Variants in PCDHGB3 observed in about 807,000 individuals in gnomAD.
The protein encoded by PCDHGB3 is protocadherin gamma subfamily B, 3.
In PCDHGB3, 40 loss-of-function variants were observed where a neutral mutation model predicts 59.2. The ratio of observed to expected loss-of-function variants is 0.68; its 90% confidence interval spans 0.52 to 0.88. PCDHGB3 has a LOEUF of 0.88. Ranked by LOEUF, PCDHGB3 falls within the 40% of genes least tolerant of loss-of-function variation. The pLI, the probability that PCDHGB3 is intolerant of heterozygous loss-of-function variation, is 0.00. For synonymous variants in PCDHGB3, 581 were observed against 503.6 expected (o/e 1.15, Z -2.06); for missense variants, 1,309 against 1,187.9 (o/e 1.10, Z -1.50).
In PCDHGB3 at chr5:141,476,760, CG is replaced by C. The variant is rs1325258321; in HGVS notation, c.2416-18045del. The C allele has an allele frequency of 6.2e-7, 1 of 1,613,706 alleles. No individual in the cohort carries two copies. Among genetic ancestry groups the C allele is most frequent in the African/African-American group, 1.3e-5 (1 of 74,930 alleles). On this transcript the variant is annotated intron_variant, in intron 1 of 3. Coordinates refer to ENST00000576222, the MANE Select transcript of PCDHGB3 (RefSeq NM_018924.5). This position sits in a 1 kb window ranked among gnomAD's most constrained non-coding sequence, Gnocchi z 7.6. ...GAGCCTAGTCTCCAGTTAGTGCTGA[CG>C]GCGTTGGACGGAGGGACCCCAGCTC...
At chr5:141,373,226 A>G (rs540520010) in intron 1 of PCDHGB3, among the ~76,000 whole-genome samples, 4 of 152,364 alleles carry the variant, frequency 2.6e-5, no homozygotes, top group Middle Eastern at 6.8e-3. Context: ...TAACCTGTAT[A>G]TAATATTTTT....
chr5:141,425,979 A>T lies in PCDHGB3; in HGVS notation c.2415+53170A>T, dbSNP rs114212354. ...GTCCAACACATCAGTCTAATTCTGA[A>T]TCCCATTGAATTAGCAAAGGCTTCC... On this transcript the variant is annotated intron_variant, in intron 1 of 3. Coordinates refer to ENST00000576222, the MANE Select transcript of PCDHGB3 (RefSeq NM_018924.5). Among the ~76,000 whole-genome samples, 592 of 152,328 alleles carry T rather than the reference A, an allele frequency of 3.9e-3. 5 individuals carry two copies. Among genetic ancestry groups the T allele is most frequent in the African/African-American group, 0.014 (563 of 41,580 alleles).
At chr5:141,484,054 G>A (rs1192214731) in intron 1 of PCDHGB3, among the ~76,000 whole-genome samples, 4 of 152,044 alleles carry the variant, frequency 2.6e-5, no homozygotes, top group African/African-American at 9.7e-5. Flanking sequence ...AGGTCCCCTG[G>A]GGCTAAGTGA....
chr5:141,422,360 G>C (rs766368774), intron 1 of PCDHGB3: 1 of 1,559,254 alleles, frequency 6.4e-7, no homozygotes, highest in African/African-American at 1.4e-5. Context: ...CAAGATTCTG[G>C]AGAAAATGGT....
Position 141,443,030 on chromosome 5 carries a change from C to A in PCDHGB3, c.2416-51777C>A, listed in dbSNP as rs147317486. ...ATATGACTAATGGAAGTTGCCAGAC[C>A]TAAACTTTGAAAATTATTGTTCCAC... On this transcript the variant is annotated intron_variant, in intron 1 of 3. Transcript: ENST00000576222. Among the ~76,000 whole-genome samples, 31 of 152,290 alleles carry A rather than the reference C, an allele frequency of 2.0e-4. No individual in the cohort carries two copies. The East Asian group carries it at 3.5e-3, about 17-fold the overall frequency.
chr5:141,383,749 A>C (rs771648323), intron 1 of PCDHGB3: 12 of 1,614,008 alleles, frequency 7.4e-6, no homozygotes, highest in Non-Finnish European at 1.0e-5. Context: ...TTTTCGGAAA[A>C]TAACTCCTAA....
At position 141,489,494 on chromosome 5, in the gene PCDHGB3, C is replaced by A. The variant is rs1191408769; in HGVS notation, c.2416-5313C>A. ...CTGAGCTTGATGAGTGGTGCCCTGGCAGTGAATCAAAAGATTGACCGAGAA... is the reference window on the plus strand; with the variant it reads ...CTGAGCTTGATGAGTGGTGCCCTGGAAGTGAATCAAAAGATTGACCGAGAA... On this transcript the variant is annotated intron_variant, in intron 1 of 3. Coordinates refer to ENST00000576222, the MANE Select transcript of PCDHGB3 (RefSeq NM_018924.5). This position sits in a 1 kb window ranked among gnomAD's most constrained non-coding sequence, Gnocchi z 4.5. 1.1e-5 allele frequency: 18 copies of A among 1,613,932 alleles called. No individual in the cohort carries two copies. The highest frequency in any genetic ancestry group is 1.7e-5 in the Admixed American group (1 of 59,998).
At chr5:141,409,919 G>T (rs774277848) in intron 1 of PCDHGB3, 1 of 1,613,346 alleles carries the variant, frequency 6.2e-7, no homozygotes, top group Non-Finnish European at 8.5e-7. Context: ...TGACGGCTCC[G>T]CGTTCTTCGA....
intron 1 of PCDHGB3, chr5:141,384,387 C>A (rs774707320): frequency 6.2e-7 from 1 of 1,613,950 alleles, no homozygotes; most frequent in Admixed American, 1.7e-5. Context: ...AAGACACCAT[C>A]CAGGGGGCTC....
At chr5:141,470,548 A>G (rs2099232978) in intron 1 of PCDHGB3, among the ~76,000 whole-genome samples, 1 of 152,182 alleles carries the variant, frequency 6.6e-6, no homozygotes, top group Non-Finnish European at 1.5e-5. Context: ...ATATTTATTG[A>G]GAGTTTCCTC....
Position 141,371,067 on chromosome 5 carries a change from A to G in PCDHGB3, c.673A>G (p.Thr225Ala), listed in dbSNP as rs763857858. 8 of 1,613,868 alleles carry G rather than the reference A, an allele frequency of 5.0e-6. No individual in the cohort carries two copies. Among genetic ancestry groups the G allele is most frequent in the Non-Finnish European group, 6.8e-6 (8 of 1,179,882 alleles). Reference protein sequence around the residue: ...VDGGEPSRSCTTQIRVIVADA... With the variant: ...VDGGEPSRSCATQIRVIVADA... ...TGGGGGCGAGCCCTCCAGAAGCTGT[A>G]CCACCCAGATCAGGGTAATTGTCGC... The change falls in exon 1 of 4, where the codon ACC becomes GCC. Residue 225 changes from threonine (T) to alanine (A), a missense_variant. By Grantham distance (58) the Thr-to-Ala change is moderately conservative. Transcript: ENST00000576222.
At position 141,432,950 on chromosome 5, in the gene PCDHGB3, G is replaced by T. The variant is rs750033444; in HGVS notation, c.2415+60141G>T. ...ACGCCTGCTGCAGGCTTCAGGAGGCGGCTTGACAGGAGCGCCGGCGTCGCA... is the reference window on the plus strand; with the variant it reads ...ACGCCTGCTGCAGGCTTCAGGAGGCTGCTTGACAGGAGCGCCGGCGTCGCA... On this transcript the variant is annotated intron_variant, in intron 1 of 3. Coordinates refer to ENST00000576222, the MANE Select transcript of PCDHGB3 (RefSeq NM_018924.5). This position sits in a 1 kb window ranked among gnomAD's most constrained non-coding sequence, Gnocchi z 6.0. 6 of 1,614,072 alleles carry T rather than the reference G, an allele frequency of 3.7e-6. No individual in the cohort carries two copies. Among genetic ancestry groups the T allele is most frequent in the Admixed American group, 1.7e-5 (1 of 60,010 alleles).
At chr5:141,405,339 A>G in intron 1 of PCDHGB3, 1 of 1,614,178 alleles carries the variant, frequency 6.2e-7, no homozygotes, top group Non-Finnish European at 8.5e-7. Context: ...GTCTCTGTTG[A>G]TTCCAAGTTT....
intron 1 of PCDHGB3, among the ~76,000 whole-genome samples, chr5:141,429,527 T>TA (rs1321273157): frequency 1.3e-5 from 2 of 152,038 alleles, no homozygotes; most frequent in African/African-American, 4.8e-5. Flanking sequence ...GAAAAAAGCT[T>TA]AAAAAAATAA....
chr5:141,397,004 T>A (rs2150690904), intron 1 of PCDHGB3, among the ~76,000 whole-genome samples: 2 of 152,342 alleles, frequency 1.3e-5, no homozygotes, highest in African/African-American at 4.8e-5. Context: ...ATCTGACAAA[T>A]GGACTAAAGA....
chr5:141,375,417 C>G lies in PCDHGB3; in HGVS notation c.2415+2608C>G. ...ATCATCTCTCTAAATGTGGCAGACA[C>G]CAACGACAACCCGCCCACCTTCCCC... On this transcript the variant is annotated intron_variant, in intron 1 of 3. Coordinates refer to ENST00000576222, the MANE Select transcript of PCDHGB3 (RefSeq NM_018924.5). The G allele has an allele frequency of 1.9e-6, 3 of 1,613,976 alleles. No homozygotes were observed. The South Asian group carries it at 3.3e-5, about 18-fold the overall frequency.
In PCDHGB3 at chr5:141,491,406, C is replaced by G. The variant is rs773729429; in HGVS notation, c.2416-3401C>G. On this transcript the variant is annotated intron_variant, in intron 1 of 3. Transcript: ENST00000576222. This position sits in a 1 kb window ranked among gnomAD's most constrained non-coding sequence, Gnocchi z 6.9. ...CGAAGTGCCTTCAGGGAAACGCAGA[C>G]GGGGACGGGGGTGGAGGGCAGTGCT... 9 of 1,613,978 alleles carry G rather than the reference C, an allele frequency of 5.6e-6. No homozygotes were observed.
At chr5:141,452,227 T>C (rs2098736376) in intron 1 of PCDHGB3, among the ~76,000 whole-genome samples, 1 of 152,232 alleles carries the variant, frequency 6.6e-6, no homozygotes, top group African/African-American at 2.4e-5. Context: ...CTCTTCAAGC[T>C]GGTTCTTGTG....
chr5:141,403,532 C>A (rs1313886103), intron 1 of PCDHGB3: 1 of 1,613,892 alleles, frequency 6.2e-7, no homozygotes, highest in Non-Finnish European at 8.5e-7. Context: ...AAACCCAGAG[C>A]TGGTGCTGGA....
Sources: allele counts gnomAD v4.1 joint callset (sites outside exome capture counted in the v4.1 genomes callset), GRCh38; gene constraint gnomAD v4.1.1; non-coding constraint Gnocchi (gnomAD v3.1); transcripts MANE v1.5; gene names NCBI Gene and HGNC (gene_info 2026-07-23, HGNC 2026-07-21).